The following ZFAND3 variants were observed in gnomAD, a reference collection of about 807,000 sequenced individuals.
ZFAND3 encodes zinc finger AN1-type containing 3.
ZFAND3 carries 10 observed loss-of-function variants against 29.6 expected under a neutral mutation model. That is an observed-to-expected ratio of 0.34 (90% CI 0.21 to 0.57). The LOEUF is 0.57. Among genes scored for constraint, ZFAND3 ranks in the 20% least tolerant of loss-of-function variants. The pLI, the probability that ZFAND3 is intolerant of heterozygous loss-of-function variation, is 0.86. For synonymous variants in ZFAND3, 128 were observed against 112.6 expected (o/e 1.14, Z -0.87); for missense variants, 230 against 304.5 (o/e 0.76, Z 1.82).
At chr6:38,136,689 T>G (rs1261436074) in intron 5 of ZFAND3, among the ~76,000 whole-genome samples, 1 of 152,220 alleles carries the variant, frequency 6.6e-6, no homozygotes, top group East Asian at 1.9e-4. Flanking sequence ...GCCACCTGTC[T>G]GTGCCTTGAG....
chr6:37,961,361 A>G (rs923896238), intron 2 of ZFAND3, among the ~76,000 whole-genome samples: 1 of 152,212 alleles, frequency 6.6e-6, no homozygotes, highest in African/African-American at 2.4e-5. Context: ...GTGGACATCT[A>G]AGGTTTTTGA....
intron 5 of ZFAND3, among the ~76,000 whole-genome samples, chr6:38,137,593 C>T (rs1248075979): frequency 6.6e-6 from 1 of 151,914 alleles, no homozygotes; most frequent in African/African-American, 2.4e-5. Flanking sequence ...GGGAGAGATG[C>T]AGTAAGCAAG....
chr6:37,920,451 T>C (rs1164537020), intron 1 of ZFAND3, among the ~76,000 whole-genome samples: 1 of 152,172 alleles, frequency 6.6e-6, no homozygotes, highest in Non-Finnish European at 1.5e-5. Flanking sequence ...CTTTCAGTAA[T>C]ATATACAGGG....
At chr6:37,934,118 G>T (rs1761649849) in intron 2 of ZFAND3, among the ~76,000 whole-genome samples, 1 of 151,536 alleles carries the variant, frequency 6.6e-6, no homozygotes, top group Admixed American at 6.6e-5. Context: ...GAACTCCTGA[G>T]CTCAGGTGAT....
intron 2 of ZFAND3, among the ~76,000 whole-genome samples, chr6:38,002,285 CTTTTTTTTT>C (rs559479814): frequency 7.3e-6 from 1 of 137,904 alleles, no homozygotes; most frequent in South Asian, 2.3e-4. Flanking sequence ...ATTTTCTTTT[CTTTTTTTTT>C]TTTTTTTAAA....
Position 38,051,688 on chromosome 6 carries a change from T to A in ZFAND3, c.113-9905T>A, listed in dbSNP as rs111270288. 4.2e-4 allele frequency among the ~76,000 whole-genome samples: 64 copies of A among 152,374 alleles called. 1 individual carries two copies. The highest frequency in any genetic ancestry group is 7.9e-4 in the African/African-American group (33 of 41,588). On this transcript the variant is annotated intron_variant, in intron 2 of 5. Transcript: ENST00000287218. The stretch of plus-strand genomic sequence containing the variant: ...CTATCTGTAATTTTGATGGCTGAAC[T>A]GTATGTATATATGCGCACACAGCAT...
intron 1 of ZFAND3, among the ~76,000 whole-genome samples, chr6:37,876,646 G>A (rs1200543719): frequency 1.3e-5 from 2 of 152,164 alleles, no homozygotes; most frequent in South Asian, 4.1e-4. Context: ...ATATCAATTC[G>A]TACTCTAAGA....
At chr6:38,144,310 C>A (rs1266863968) in intron 5 of ZFAND3, among the ~76,000 whole-genome samples, 3 of 150,350 alleles carry the variant, frequency 2.0e-5, no homozygotes, top group African/African-American at 7.4e-5. Context: ...GAAATAGACA[C>A]TTTAGATGCC....
intron 2 of ZFAND3, among the ~76,000 whole-genome samples, chr6:37,988,535 A>G (rs750352483): frequency 5.3e-5 from 8 of 152,192 alleles, no homozygotes; most frequent in Non-Finnish European, 7.4e-5. Context: ...ATTTTCTCTC[A>G]GTAAAGCTTC....
chr6:38,141,755 G>GGAGGAAGA (rs1765961275), intron 5 of ZFAND3, among the ~76,000 whole-genome samples: 1 of 152,182 alleles, frequency 6.6e-6, no homozygotes, highest in Non-Finnish European at 1.5e-5. Flanking sequence ...AAAATGTTGT[G>GGAGGAAGA]TGAATGGAGG....
intron 2 of ZFAND3, among the ~76,000 whole-genome samples, chr6:38,000,149 C>A (rs951727240): frequency 6.6e-6 from 1 of 152,012 alleles, no homozygotes; most frequent in Non-Finnish European, 1.5e-5. Context: ...AATTCAGATA[C>A]CAAACAAACC....
chr6:37,887,222 T>A (rs1257998521), intron 1 of ZFAND3, among the ~76,000 whole-genome samples: 2 of 152,220 alleles, frequency 1.3e-5, no homozygotes, highest in Non-Finnish European at 2.9e-5. Context: ...GCAGTGAAAT[T>A]ACAGAGAAAT....
In ZFAND3 at chr6:37,991,887, G is replaced by T. The variant is rs573012573; in HGVS notation, c.112+61888G>T. On this transcript the variant is annotated intron_variant, in intron 2 of 5. Transcript: ENST00000287218. ...TGAAATCCTACCAGAAGGAGTTTTG[G>T]TTATTAAACTTTTGTATTTGTTCAG... Among the ~76,000 whole-genome samples, 4 of 152,152 alleles carry T rather than the reference G, an allele frequency of 2.6e-5. No individual in the cohort carries two copies. In the South Asian group the frequency reaches 8.3e-4, roughly 32 times the overall value.
chr6:37,855,807 C>T (rs1764371342), intron 1 of ZFAND3, among the ~76,000 whole-genome samples: 1 of 152,104 alleles, frequency 6.6e-6, no homozygotes, highest in South Asian at 2.1e-4. Context: ...GTGCCTCAGT[C>T]TTTAAGGATT....
intron 4 of ZFAND3, among the ~76,000 whole-genome samples, chr6:38,113,849 A>C (rs1460236324): frequency 2.0e-5 from 3 of 152,194 alleles, no homozygotes; most frequent in African/African-American, 7.2e-5. Flanking sequence ...CCTTGCAGGA[A>C]AGGTTTGTTT....
chr6:37,859,862 G>GGTTTTTTT (rs1764448370), intron 1 of ZFAND3, among the ~76,000 whole-genome samples: 2 of 133,306 alleles, frequency 1.5e-5, no homozygotes, highest in African/African-American at 2.7e-5. Flanking sequence ...GCTGGAGTGG[G>GGTTTTTTT]TTTTTTTTTT....
At chr6:37,970,132 A>G (rs1023606181) in intron 2 of ZFAND3, among the ~76,000 whole-genome samples, 2 of 152,088 alleles carry the variant, frequency 1.3e-5, no homozygotes, top group African/African-American at 2.4e-5. Context: ...ATAAATAAAT[A>G]AATGAATAAA....
At chr6:37,855,566 G>A (rs1281116742) in intron 1 of ZFAND3, among the ~76,000 whole-genome samples, 1 of 152,122 alleles carries the variant, frequency 6.6e-6, no homozygotes, top group Non-Finnish European at 1.5e-5. Context: ...TAATGAAAGA[G>A]GGAAGGAATT....
intron 2 of ZFAND3, among the ~76,000 whole-genome samples, chr6:38,024,715 A>G (rs746808968): frequency 3.9e-5 from 6 of 152,246 alleles, no homozygotes; most frequent in Non-Finnish European, 8.8e-5. Flanking sequence ...ACAAGAGGTC[A>G]CATATTATAT....
Sources: allele counts gnomAD v4.1 joint callset (sites outside exome capture counted in the v4.1 genomes callset), GRCh38; gene constraint gnomAD v4.1.1; transcripts MANE v1.5; gene names NCBI Gene and HGNC (gene_info 2026-07-23, HGNC 2026-07-21).